LRRC53: variants seen among roughly 807,000 people sequenced by gnomAD.
LRRC53 encodes leucine rich repeat containing 53, also known as leucine-rich repeat-containing protein 53.
In LRRC53, 25 loss-of-function variants were observed where a neutral mutation model predicts 13.6. That is an observed-to-expected ratio of 1.83 (90% confidence interval 1.34 to 2.56). The LOEUF is 2.56. LRRC53 is among the 30% of genes most tolerant of loss of function. The pLI is 0.00. For synonymous variants in LRRC53, 204 were observed against 109.8 expected (o/e 1.86, Z -5.37); for missense variants, 527 against 275.8 (o/e 1.91, Z -6.45).
the LRRC53 span, among the ~76,000 whole-genome samples, chr1:74,535,358 C>T: frequency 6.6e-6 from 1 of 152,130 alleles, no homozygotes. Flanking sequence ...GTAATCCCAG[C>T]TACTCTTATG....
Position 74,469,617 on chromosome 1 carries a change from G to T in LRRC53, c.*261C>A. The T allele has an allele frequency of 3.3e-6, 1 of 306,242 alleles. No individual in the cohort carries two copies. Among genetic ancestry groups the T allele is most frequent in the Non-Finnish European group, 5.9e-6 (1 of 168,862 alleles). 19.0% of individuals were successfully genotyped at this position (306,242 alleles called of 1,614,324 possible). On this transcript the variant is annotated 3_prime_UTR_variant, in exon 5 of 5. Transcript: ENST00000294635. Reference sequence around the variant, plus strand: ...ATGTTTGCTTGCTTTTGCAAGACTTGGCAAAACTTTTCTTACTTGTTTTTT... The same window carrying T: ...ATGTTTGCTTGCTTTTGCAAGACTTTGCAAAACTTTTCTTACTTGTTTTTT...
chr1:74,487,103 A>T (rs1454931637), intron 1 of LRRC53, among the ~76,000 whole-genome samples: 5 of 152,214 alleles, frequency 3.3e-5, no homozygotes, highest in Non-Finnish European at 7.3e-5. Flanking sequence ...AGCTTGAAGG[A>T]GGACGTTAAG....
chr1:74,475,079 G>C (rs1354977597), intron 4 of LRRC53, among the ~76,000 whole-genome samples: 1 of 148,342 alleles, frequency 6.7e-6, no homozygotes, highest in Non-Finnish European at 1.5e-5. Flanking sequence ...TGCACTGTCA[G>C]CTCCTAAAAG....
chr1:74,528,845 A>C, the LRRC53 span, among the ~76,000 whole-genome samples: 7 of 152,312 alleles, frequency 4.6e-5, no homozygotes, highest in South Asian at 1.5e-3. Context: ...ATTATTTACC[A>C]AAAGGAAACA....
Position 74,490,042 on chromosome 1 carries a change from T to A in LRRC53, c.-26-6667A>T, listed in dbSNP as rs1286198881. On this transcript the variant is annotated intron_variant, in intron 1 of 4. Coordinates refer to ENST00000294635, the MANE Select transcript of LRRC53 (RefSeq NM_001382280.1). Reference sequence around the variant, plus strand: ...TGGAACCATCAAGAAAAGCAGGATTTTTTTTTCTAAAAAAAAAAAAAAAAA... The same window carrying A: ...TGGAACCATCAAGAAAAGCAGGATTATTTTTTCTAAAAAAAAAAAAAAAAA... Among the ~76,000 whole-genome samples the A allele has an allele frequency of 9.8e-4, 143 of 145,780 alleles. 1 individual carries two copies. The highest frequency in any genetic ancestry group is 3.2e-3 in the African/African-American group (127 of 39,088).
At chr1:74,523,316 T>G in the LRRC53 span, among the ~76,000 whole-genome samples, 8 of 152,214 alleles carry the variant, frequency 5.3e-5, no homozygotes, top group African/African-American at 1.9e-4. Context: ...TCTAAAGACA[T>G]GTATCATCAA....
chr1:74,480,938 A>G lies in LRRC53; in HGVS notation c.119T>C (p.Ile40Thr), dbSNP rs1156424977. The change falls in exon 3 of 5, where the codon ATC (isoleucine) becomes ACC (threonine). Residue 40 changes from isoleucine (I) to threonine (T), a missense_variant. Transcript: ENST00000294635. ...AATAGAGGAGAGATATCCATCGGTGATGATTAAAACCCTCGTGGTCATAGG... is the reference window on the plus strand; with the variant it reads ...AATAGAGGAGAGATATCCATCGGTGGTGATTAAAACCCTCGTGGTCATAGG... ...AAPMTTRVLI[I>T]TDGYLSSIES... is the part of the protein sequence containing the mutation. 5.6e-6 allele frequency: 4 copies of G among 717,004 alleles called. No homozygotes were observed. Among genetic ancestry groups the G allele is most frequent in the Non-Finnish European group, 2.6e-6 (1 of 384,832 alleles). 44.4% of individuals were successfully genotyped at this position (717,004 alleles called of 1,614,324 possible).
intron 3 of LRRC53, among the ~76,000 whole-genome samples, chr1:74,478,707 T>C (rs1269682200): frequency 6.6e-6 from 1 of 152,218 alleles, no homozygotes; most frequent in African/African-American, 2.4e-5. Flanking sequence ...CTTAACTTAG[T>C]ACCTTCTAAA....
chr1:74,480,761 G>T lies in LRRC53; in HGVS notation c.296C>A (p.Thr99Asn), dbSNP rs373331354. The change falls in exon 3 of 5, where the codon ACT becomes AAT. Residue 99 changes from threonine (T) to asparagine (N), a missense_variant. Coordinates refer to ENST00000294635, the MANE Select transcript of LRRC53 (RefSeq NM_001382280.1). ...EHNQISSSSL[T>N]DHTFSKLHSL... The stretch of plus-strand genomic sequence containing the variant: ...GTGAAGCTTGCTGAAGGTGTGATCA[G>T]TGAGCGAAGAGCTGGATATTTGGTT... 2.8e-6 allele frequency: 2 copies of T among 717,412 alleles called. No homozygotes were observed. The highest frequency in any genetic ancestry group is 5.2e-6 in the Non-Finnish European group (2 of 385,116). 44.4% of individuals were successfully genotyped at this position (717,412 alleles called of 1,614,324 possible). A position where few individuals can be genotyped will look rare whatever the true frequency, so the allele number is the denominator to read the frequency against.
intron 1 of LRRC53, among the ~76,000 whole-genome samples, chr1:74,498,939 C>T (rs767708759): frequency 8.5e-5 from 13 of 152,150 alleles, no homozygotes; most frequent in Non-Finnish European, 1.3e-4. Flanking sequence ...ATTAATATGA[C>T]GCTTATTTTA....
the LRRC53 span, among the ~76,000 whole-genome samples, chr1:74,529,960 C>G: frequency 6.6e-6 from 1 of 151,990 alleles, no homozygotes; most frequent in Admixed American, 6.6e-5. Context: ...CTGTACATGC[C>G]TATGGGTTTT....
At chr1:74,497,933 GCT>G (rs1259161853) in intron 1 of LRRC53, among the ~76,000 whole-genome samples, 3 of 152,120 alleles carry the variant, frequency 2.0e-5, no homozygotes, top group South Asian at 4.2e-4. Context: ...TGATACTGTC[GCT>G]CTCTCTCTTC....
At chr1:74,519,791 G>A in the LRRC53 span, among the ~76,000 whole-genome samples, 3 of 152,244 alleles carry the variant, frequency 2.0e-5, no homozygotes, top group East Asian at 5.8e-4. Context: ...TCAAGCCAAA[G>A]CTTTAAGTTT....
chr1:74,511,562 A>C (rs1287164973), intron 1 of LRRC53, among the ~76,000 whole-genome samples: 1 of 152,120 alleles, frequency 6.6e-6, no homozygotes, highest in African/African-American at 2.4e-5. Context: ...TTGGATATGC[A>C]TTTATCTATC....
rs1423253084 is a variant in LRRC53, at chr1:74,475,213, G to A, written c.1420+82C>T. Reference sequence around the variant, plus strand: ...TATAGTGATTTTTATAGTATTTCCTGTTGAGGAAATTAAAGGAGGGAGGCT... The same window carrying A: ...TATAGTGATTTTTATAGTATTTCCTATTGAGGAAATTAAAGGAGGGAGGCT... On this transcript the variant is annotated intron_variant, in intron 4 of 4. Coordinates refer to ENST00000294635, the MANE Select transcript of LRRC53 (RefSeq NM_001382280.1). 5 of 606,188 alleles carry A rather than the reference G, an allele frequency of 8.2e-6. 1 individual carries two copies. The highest frequency in any genetic ancestry group is 5.5e-5 in the East Asian group (2 of 36,140). 37.6% of individuals were successfully genotyped at this position (606,188 alleles called of 1,614,324 possible). A position where few individuals can be genotyped will look rare whatever the true frequency, so the allele number is the denominator to read the frequency against.
the LRRC53 span, among the ~76,000 whole-genome samples, chr1:74,526,531 A>G: frequency 6.6e-6 from 1 of 152,248 alleles, no homozygotes; most frequent in Non-Finnish European, 1.5e-5. Context: ...TCTCAGCTAT[A>G]GGATGAAAAT....
In LRRC53 at chr1:74,471,878, A is replaced by C. The variant is rs1252686516; in HGVS notation, c.1744T>G (p.Phe582Val). 6.6e-6 allele frequency: 3 copies of C among 454,582 alleles called. No individual in the cohort carries two copies. The highest frequency in any genetic ancestry group is 3.9e-6 in the Non-Finnish European group (1 of 257,444). 28.2% of individuals were successfully genotyped at this position (454,582 alleles called of 1,614,324 possible). A position where few individuals can be genotyped will look rare whatever the true frequency, so the allele number is the denominator to read the frequency against. Residue 582 changes from phenylalanine to valine, a missense_variant, in exon 5 of 5, where the codon TTT (phenylalanine) becomes GTT (valine). Coordinates refer to ENST00000294635, the MANE Select transcript of LRRC53 (RefSeq NM_001382280.1). ...LICKYVPCEQFEDYMKEKKPN... is the reference protein window; with the variant it reads ...LICKYVPCEQVEDYMKEKKPN... ...TTCTTTTCTTTCATGTAATCTTCAA[A>C]TTGCTCACAGGGCACATATTTACAG...
intron 4 of LRRC53, 77 bp downstream of exon 4, chr1:74,475,215 TGAG>T: frequency 1.6e-6 from 1 of 607,208 alleles, no homozygotes. Context: ...TATTTCCTGT[TGAG>T]GAAATTAAAG....
At chr1:74,525,873 C>A in the LRRC53 span, among the ~76,000 whole-genome samples, 1 of 152,152 alleles carries the variant, frequency 6.6e-6, no homozygotes, top group African/African-American at 2.4e-5. Flanking sequence ...GGGGTAAGAA[C>A]CCCCACATTA....
Sources: gnomAD v4.1 joint callset for allele counts (sites outside exome capture counted in the v4.1 genomes callset) on GRCh38, gnomAD v4.1.1 for gene constraint, MANE v1.5 for transcripts, NCBI Gene and HGNC (gene_info 2026-07-23, HGNC 2026-07-21) for gene names.